Variants in DLGAP4 observed in about 807,000 individuals in gnomAD.
The protein encoded by DLGAP4 is DLG associated protein 4, also known as disks large-associated protein 4.
Under a neutral mutation model 86.9 loss-of-function variants are expected in DLGAP4, and 18 were observed. That is an observed-to-expected ratio of 0.21 (90% CI 0.14 to 0.31). The LOEUF is 0.31. Ranked by LOEUF, DLGAP4 falls within the 10% of genes least tolerant of loss-of-function variation. The probability of loss-of-function intolerance (pLI) is 1.00; values close to 1 mark genes in which losing one functional copy is unlikely to be tolerated. For missense variants in DLGAP4, 1,085 were observed against 1,362.6 expected (o/e 0.80, Z 3.21); for synonymous variants, 548 against 574.3 (o/e 0.95, Z 0.65).
At chr20:36,370,286 G>C (rs2030872416) in intron 2 of DLGAP4, among the ~76,000 whole-genome samples, 1 of 151,664 alleles carries the variant, frequency 6.6e-6, no homozygotes, top group South Asian at 2.1e-4. Flanking sequence ...GATGGTTTGA[G>C]CCCAGGAGTT....
intron 2 of DLGAP4, among the ~76,000 whole-genome samples, chr20:36,401,148 A>AT (rs561307644): frequency 1.5e-3 from 226 of 152,152 alleles, no homozygotes; most frequent in African/African-American, 5.2e-3. Flanking sequence ...CACCCATCCA[A>AT]TCCTGGGCGG....
Position 36,525,883 on chromosome 20 carries a change from G to A in DLGAP4, c.2637G>A (p.Gln879=). 1 of 1,613,606 alleles carries A rather than the reference G, an allele frequency of 6.2e-7. No individual in the cohort carries two copies. The change falls in exon 12 of 13, where the codon CAG becomes CAA. Residue 879 remains glutamine, a synonymous_variant. Transcript: ENST00000339266. ...NPDANPRPTA[Q]DLAGFWDLLQ... ...ATGCCAACCCACGCCCCACAGCCCA[G>A]GACCTGGCAGGGTTCTGGGACCTGC...
At chr20:36,471,706 T>C (rs923483735) in intron 7 of DLGAP4, among the ~76,000 whole-genome samples, 1 of 151,962 alleles carries the variant, frequency 6.6e-6, no homozygotes, top group Admixed American at 6.6e-5. Flanking sequence ...CTAGACAGAG[T>C]GGGCATGCCA....
chr20:36,354,995 A>G (rs1211610541), intron 1 of DLGAP4, among the ~76,000 whole-genome samples: 3 of 152,044 alleles, frequency 2.0e-5, no homozygotes, highest in African/African-American at 7.2e-5. Context: ...AAAACAAGCA[A>G]CTTTATGGAA....
intron 2 of DLGAP4, among the ~76,000 whole-genome samples, chr20:36,405,826 A>G (rs1209594157): frequency 1.3e-5 from 2 of 152,140 alleles, no homozygotes; most frequent in African/African-American, 4.8e-5. Context: ...CATGGACTCC[A>G]GGCTGGGGAC....
intron 2 of DLGAP4, among the ~76,000 whole-genome samples, chr20:36,409,129 G>A (rs986919871): frequency 1.9e-4 from 27 of 138,546 alleles, no homozygotes; most frequent in Admixed American, 6.6e-4. Flanking sequence ...TCCACCTCCC[G>A]GGTTCAAGCG....
intron 1 of DLGAP4, among the ~76,000 whole-genome samples, chr20:36,351,091 G>C (rs184326869): frequency 7.2e-5 from 11 of 152,248 alleles, no homozygotes; most frequent in Non-Finnish European, 1.3e-4. Flanking sequence ...AATGGGGATC[G>C]TAAGAGAGGC....
At chr20:36,423,455 C>CA (rs11434258) in intron 2 of DLGAP4, among the ~76,000 whole-genome samples, 2,816 of 16,324 alleles carry the variant, frequency 0.17, 829 homozygotes, top group African/African-American at 0.28. Context: ...GACTCCGTCT[C>CA]AAAAAAAAAA....
intron 1 of DLGAP4, among the ~76,000 whole-genome samples, chr20:36,317,164 C>T (rs2065107646): frequency 6.6e-6 from 1 of 151,652 alleles, no homozygotes; most frequent in African/African-American, 2.4e-5. Context: ...TTCTTCCTTT[C>T]TCTCCTTCCT....
At chr20:36,339,528 C>T (rs561944975) in intron 1 of DLGAP4, among the ~76,000 whole-genome samples, 2 of 152,354 alleles carry the variant, frequency 1.3e-5, no homozygotes, top group South Asian at 2.1e-4. Context: ...GCCAGGACTA[C>T]AGCCACCACC....
At chr20:36,499,808 G>A in intron 9 of DLGAP4, 132 bp downstream of exon 9, 1 of 852,416 alleles carries the variant, frequency 1.2e-6, no homozygotes, top group Non-Finnish European at 1.9e-6. Flanking sequence ...GGTTGCGGGT[G>A]GTGGCCCAGG....
intron 1 of DLGAP4, among the ~76,000 whole-genome samples, chr20:36,313,544 G>C (rs922569097): frequency 2.0e-5 from 3 of 147,888 alleles, no homozygotes; most frequent in African/African-American, 7.8e-5. Flanking sequence ...TGACAGCTCT[G>C]GGGTGGGGGG....
intron 7 of DLGAP4, among the ~76,000 whole-genome samples, chr20:36,486,191 T>C (rs1600630461): frequency 6.6e-6 from 1 of 152,172 alleles, no homozygotes; most frequent in East Asian, 1.9e-4. Context: ...GCACCATGAT[T>C]ATATAAGATA....
At chr20:36,340,228 T>A (rs2065364638) in intron 1 of DLGAP4, among the ~76,000 whole-genome samples, 1 of 152,114 alleles carries the variant, frequency 6.6e-6, no homozygotes, top group Non-Finnish European at 1.5e-5. Context: ...TTCTCCTGGC[T>A]GCCCAACAGC....
chr20:36,496,847 C>T lies in DLGAP4; in HGVS notation c.1791C>T (p.Ser597=), dbSNP rs755610807. 2.0e-5 allele frequency: 33 copies of T among 1,614,100 alleles called. No individual in the cohort carries two copies. Among genetic ancestry groups the T allele is most frequent in the South Asian group, 9.9e-5 (9 of 91,094 alleles). The change falls in exon 8 of 13, where the codon AGC becomes AGT. Residue 597 remains serine, a synonymous_variant. Transcript: ENST00000339266. ...ACCTGGACAGCCAGGACCACAAGAG[C>T]GAGGTGACTAGCCAGTCGGGCCTGA... The part of the protein sequence containing the change: ...DTYLDSQDHK[S]EVTSQSGLSN...
In DLGAP4 at chr20:36,460,704, G is replaced by A. The variant is rs564140146; in HGVS notation, c.1648+13767G>A. On this transcript the variant is annotated intron_variant, in intron 7 of 12. Coordinates refer to ENST00000339266, the MANE Select transcript of DLGAP4 (RefSeq NM_001365621.2). ...TGGATTCAGTGAGGAGAGGGGACTC[G>A]CGGGGTAGAAGCCAGGAACTGGGAA... Among the ~76,000 whole-genome samples the A allele has an allele frequency of 1.6e-4, 25 of 152,336 alleles. No homozygotes were observed. In the South Asian group the frequency reaches 5.0e-3, roughly 30 times the overall value.
At chr20:36,355,603 T>C (rs1242462070) in intron 1 of DLGAP4, among the ~76,000 whole-genome samples, 1 of 152,272 alleles carries the variant, frequency 6.6e-6, no homozygotes, top group East Asian at 1.9e-4. Context: ...AGCAGCATCA[T>C]GTTTTTGATG....
Position 36,446,752 on chromosome 20 carries a change from G to A in DLGAP4, c.1463G>A (p.Ser488Asn). 1 of 1,613,052 alleles carries A rather than the reference G, an allele frequency of 6.2e-7. No individual in the cohort carries two copies. The highest frequency in any genetic ancestry group is 8.5e-7 in the Non-Finnish European group (1 of 1,179,824). ...QYEAACESACSEAESTAAETL... is the reference protein window; with the variant it reads ...QYEAACESACNEAESTAAETL... ...GAGGCGGCCTGCGAGTCAGCCTGCA[G>A]TGAAGCGGAGTCCACAGCGGCAGAG... The change falls in exon 7 of 13, where the codon AGT becomes AAT. Residue 488 changes from serine to asparagine, a missense_variant. Around this residue, in one of 2 missense-constraint regions of DLGAP4, gnomAD observed 1,082 missense variants for 1,344.1 expected, o/e 0.81. Transcript: ENST00000339266.
intron 7 of DLGAP4, chr20:36,462,395 G>C: frequency 7.4e-7 from 1 of 1,351,194 alleles, no homozygotes; most frequent in Non-Finnish European, 9.4e-7. Context: ...TCGCCACTCT[G>C]TGCCTCTTGC....
Sources: allele counts gnomAD v4.1 joint callset (sites outside exome capture counted in the v4.1 genomes callset), GRCh38; gene constraint gnomAD v4.1.1; regional missense constraint gnomAD v4.1.1; transcripts MANE v1.5; gene names NCBI Gene and HGNC (gene_info 2026-07-23, HGNC 2026-07-21).